Variants in PALM2AKAP2 observed in about 807,000 individuals in gnomAD.
PALM2AKAP2 encodes PALM2 and AKAP2 fusion, also known as PALM2-AKAP2 fusion protein.
A neutral mutation model predicts 71.5 loss-of-function variants in PALM2AKAP2; 37 were observed. That is an observed-to-expected ratio of 0.52 (90% CI 0.40 to 0.68). The LOEUF (loss-of-function observed/expected upper bound fraction) is 0.68. PALM2AKAP2 is among the 30% of genes least tolerant of loss of function. The pLI, the probability that PALM2AKAP2 is intolerant of heterozygous loss-of-function variation, is 0.00. For missense variants in PALM2AKAP2, 1,224 were observed against 1,191.8 expected (o/e 1.03, Z -0.40); for synonymous variants, 468 against 478.8 (o/e 0.98, Z 0.29).
intron 5 of PALM2AKAP2, 93 bp downstream of exon 5, chr9:109,925,175 G>T (rs1830928364): frequency 6.3e-7 from 1 of 1,582,948 alleles, no homozygotes; most frequent in Admixed American, 1.7e-5. Flanking sequence ...GAGGTACTGT[G>T]TTGATTTGTA....
chr9:110,170,020 TG>T (rs771979504), exon 4 of PALM2AKAP2: 1 of 152,650 alleles, frequency 6.6e-6, no homozygotes, highest in Non-Finnish European at 1.5e-5. Context: ...TACAAAGTTT[TG>T]AGCGGTTTTG....
intron 1 of PALM2AKAP2, among the ~76,000 whole-genome samples, chr9:109,771,439 G>C (rs1421384085): frequency 6.6e-6 from 1 of 152,164 alleles, no homozygotes; most frequent in East Asian, 1.9e-4. Flanking sequence ...GAGGGTACTA[G>C]ACACCAAATA....
At chr9:109,931,993 C>T in exon 6 of PALM2AKAP2, 3 of 1,614,060 alleles carry the variant, frequency 1.9e-6, no homozygotes, top group Non-Finnish European at 2.5e-6. Flanking sequence ...ACAGCAGAAC[C>T]ATCACCTGGG....
Position 109,766,381 on chromosome 9 carries a change from C to A in PALM2AKAP2, c.6-14107C>A, listed in dbSNP as rs116116138. 4.2e-3 allele frequency among the ~76,000 whole-genome samples: 636 copies of A among 152,254 alleles called. 3 individuals carry two copies. The highest frequency in any genetic ancestry group is 0.015 in the African/African-American group (603 of 41,550). On this transcript the variant is annotated intron_variant, in intron 1 of 6. Transcript: ENST00000374531. ...AGGGACTCAGAGGCCCACAGCTAGA[C>A]TGGGCAAGGGAGGGGTAGAAGATTA...
At chr9:109,684,122 G>A (rs945926104) in intron 1 of PALM2AKAP2, among the ~76,000 whole-genome samples, 1 of 152,104 alleles carries the variant, frequency 6.6e-6, no homozygotes, top group East Asian at 1.9e-4. Context: ...CTGATGAATG[G>A]CATATGTGCT....
intron 6 of PALM2AKAP2, among the ~76,000 whole-genome samples, chr9:109,934,903 G>C (rs924048556): frequency 6.6e-6 from 1 of 152,180 alleles, no homozygotes; most frequent in Non-Finnish European, 1.5e-5. Context: ...ATAAGCATGA[G>C]CTATGCACTT....
At chr9:109,644,902 T>G (rs1827126766) in intron 1 of PALM2AKAP2, among the ~76,000 whole-genome samples, 1 of 152,248 alleles carries the variant, frequency 6.6e-6, no homozygotes, top group Non-Finnish European at 1.5e-5. Context: ...GTTATCAGCA[T>G]TTTGGTCAAG....
At chr9:109,901,729 T>C (rs1431791288) in intron 3 of PALM2AKAP2, among the ~76,000 whole-genome samples, 1 of 151,998 alleles carries the variant, frequency 6.6e-6, no homozygotes, top group African/African-American at 2.4e-5. Context: ...AGGCAGGAGG[T>C]AGAGAAGTCA....
intron 1 of PALM2AKAP2, among the ~76,000 whole-genome samples, chr9:109,693,653 C>A (rs1048425726): frequency 5.9e-5 from 9 of 151,942 alleles, no homozygotes; most frequent in Admixed American, 5.9e-4. Flanking sequence ...TTATCATTTT[C>A]ATTCAGTTTT....
At chr9:110,138,686 G>A in intron 2 of PALM2AKAP2, 147 bp downstream of exon 8, 1 of 1,425,708 alleles carries the variant, frequency 7.0e-7, no homozygotes. Context: ...CAGCATACAG[G>A]GACATGCAAC....
chr9:110,162,843 C>G (rs997746976), intron 3 of PALM2AKAP2, among the ~76,000 whole-genome samples: 1 of 152,144 alleles, frequency 6.6e-6, no homozygotes, highest in Non-Finnish European at 1.5e-5. Context: ...GCTGGAACTA[C>G]TGGTGTGTGC....
intron 1 of PALM2AKAP2, among the ~76,000 whole-genome samples, chr9:110,060,865 G>A (rs1833951567): frequency 6.6e-6 from 1 of 152,204 alleles, no homozygotes; most frequent in Non-Finnish European, 1.5e-5. Context: ...CTCCCAAAGT[G>A]CTGGGATTAC....
intron 1 of PALM2AKAP2, among the ~76,000 whole-genome samples, chr9:109,795,771 G>A (rs1293615879): frequency 6.6e-6 from 1 of 152,194 alleles, no homozygotes. Flanking sequence ...CAGCCTTACT[G>A]CTGAGCCCTG....
chr9:109,724,906 A>G (rs927019589), intron 1 of PALM2AKAP2, among the ~76,000 whole-genome samples: 2 of 152,216 alleles, frequency 1.3e-5, no homozygotes, highest in Non-Finnish European at 2.9e-5. Context: ...TTGATCCTGA[A>G]AAAAACAGTG....
intron 5 of PALM2AKAP2, among the ~76,000 whole-genome samples, chr9:109,928,178 C>G (rs983909825): frequency 1.1e-4 from 16 of 152,198 alleles, no homozygotes; most frequent in Non-Finnish European, 1.9e-4. Flanking sequence ...TCTTGGCTCA[C>G]TGCAACCTCC....
chr9:109,944,842 A>T (rs1249859520), intron 6 of PALM2AKAP2: 2 of 152,362 alleles, frequency 1.3e-5, no homozygotes, highest in East Asian at 3.9e-4. Context: ...ACAATAGTAT[A>T]GTAATGAAAT....
Position 109,932,035 on chromosome 9 carries a change from C to A in PALM2AKAP2, c.496+7C>A. The A allele has an allele frequency of 6.2e-7, 1 of 1,610,490 alleles. No individual in the cohort carries two copies. Among genetic ancestry groups the A allele is most frequent in the Non-Finnish European group, 8.5e-7 (1 of 1,177,838 alleles). ...GGGACCAGCAGAGCGGCTGGTAAGT[C>A]CTGGGGACCTTTGGACGCTAGGATG... On this transcript the variant is annotated splice_region_variant and intron_variant, in intron 6 of 9. Transcript: ENST00000302798.
intron 1 of PALM2AKAP2, among the ~76,000 whole-genome samples, chr9:109,770,773 T>TAGGTGTCAACATCCAGAAGGATAC (rs1829248170): frequency 2.0e-5 from 3 of 152,150 alleles, no homozygotes; most frequent in Non-Finnish European, 4.4e-5. Flanking sequence ...TAGAAGGATA[T>TAGGTGTCAACATCCAGAAGGATAC]AGGTGTCAAC....
In PALM2AKAP2 at chr9:110,137,911, C is replaced by G. The variant is rs1286765221; in HGVS notation, c.1941C>G (p.Asp647Glu). Residue 647 changes from aspartate to glutamate, a missense_variant, in exon 2 of 4, where the codon GAC (aspartate) becomes GAG (glutamate). Physicochemically the swap from Asp to Glu is conservative, Grantham distance 45. Coordinates refer to ENST00000374525, the Ensembl canonical transcript of PALM2AKAP2. The stretch of plus-strand genomic sequence containing the variant: ...ATTCCCCTTCCTCCACGCTGGGGGA[C>G]TCTCCGTTGGTTGATGACCCCTTGG... 1.2e-6 allele frequency: 2 copies of G among 1,614,188 alleles called. No individual in the cohort carries two copies. The highest frequency in any genetic ancestry group is 3.3e-5 in the Admixed American group (2 of 60,022).
Sources: gnomAD v4.1 joint callset for allele counts (sites outside exome capture counted in the v4.1 genomes callset) on GRCh38, gnomAD v4.1.1 for gene constraint, MANE v1.5 for transcripts, NCBI Gene and HGNC (gene_info 2026-07-23, HGNC 2026-07-21) for gene names.